Variants in DCDC2C observed in about 807,000 individuals in gnomAD.
The protein encoded by DCDC2C is doublecortin domain-containing protein 2C.
In DCDC2C, 44 loss-of-function variants were observed where a neutral mutation model predicts 45.0. That is an observed-to-expected ratio of 0.98 (90% CI 0.77 to 1.26). The LOEUF is 1.26. Among genes scored for constraint, DCDC2C ranks in the 50% most tolerant of loss-of-function variants. The pLI is 0.00. For synonymous variants in DCDC2C, 187 were observed against 178.8 expected, an observed-to-expected ratio of 1.05 and a Z score of -0.37; for missense variants, 447 against 468.9, an observed-to-expected ratio of 0.95 and a Z score of 0.43.
At chr2:3,836,780 T>A (rs550481596) in intron 10 of DCDC2C, among the ~76,000 whole-genome samples, 9 of 149,592 alleles carry the variant, frequency 6.0e-5, no homozygotes, top group South Asian at 2.1e-4. Flanking sequence ...GAGAATGACG[T>A]GAACCCGGGA....
At chr2:3,758,676 G>T (rs1418580290) in intron 6 of DCDC2C, among the ~76,000 whole-genome samples, 1 of 152,144 alleles carries the variant, frequency 6.6e-6, no homozygotes, top group African/African-American at 2.4e-5. Context: ...GGCAACAAGG[G>T]TTTATGATTT....
At chr2:3,773,337 T>G (rs1443344536) in intron 8 of DCDC2C, among the ~76,000 whole-genome samples, 1 of 152,204 alleles carries the variant, frequency 6.6e-6, no homozygotes, top group African/African-American at 2.4e-5. Flanking sequence ...TTTTTAATTT[T>G]TGGTTATAAT....
At chr2:3,773,422 G>C (rs6752305) in intron 8 of DCDC2C, among the ~76,000 whole-genome samples, 1 of 152,128 alleles carries the variant, frequency 6.6e-6, no homozygotes, top group Non-Finnish European at 1.5e-5. Context: ...GTAGATGCGC[G>C]GGGGTGCATG....
At chr2:3,819,489 T>C (rs1017581556) in intron 10 of DCDC2C, among the ~76,000 whole-genome samples, 10 of 152,298 alleles carry the variant, frequency 6.6e-5, no homozygotes, top group African/African-American at 1.9e-4. Context: ...ATTGCAACTC[T>C]TCTCTATTAT....
intron 10 of DCDC2C, among the ~76,000 whole-genome samples, chr2:3,789,663 C>A (rs1367372791): frequency 1.3e-5 from 2 of 152,220 alleles, no homozygotes; most frequent in African/African-American, 2.4e-5. Flanking sequence ...ACTAAATGCT[C>A]CCTTTATGTG....
rs1311185608 is a variant in DCDC2C, at chr2:3,734,674, G to A, written c.417-7246G>A. ...CAAATGAGACAGGCAGCCTGGACAA[G>A]ACTGGTGGTTGCAGCCCTGGCTCAC... is the stretch of plus-strand genomic sequence containing the variant. On this transcript the variant is annotated intron_variant, in intron 3 of 10. Coordinates refer to ENST00000399143, the MANE Select transcript of DCDC2C (RefSeq NM_001287444.2). The surrounding 1 kb of genome is among the most constrained non-coding windows in gnomAD (Gnocchi z 4.2). 2.0e-5 allele frequency among the ~76,000 whole-genome samples: 3 copies of A among 152,208 alleles called. No homozygotes were observed. The highest frequency in any genetic ancestry group is 7.2e-5 in the African/African-American group (3 of 41,450).
chr2:3,806,965 G>A (rs573801860), intron 10 of DCDC2C, among the ~76,000 whole-genome samples: 131 of 152,260 alleles, frequency 8.6e-4, no homozygotes, highest in Non-Finnish European at 1.4e-3. Context: ...CCTGGACTGC[G>A]TTCTGAAGAT....
chr2:3,791,405 C>T (rs1022222562), intron 10 of DCDC2C, among the ~76,000 whole-genome samples: 1 of 152,128 alleles, frequency 6.6e-6, no homozygotes, highest in Non-Finnish European at 1.5e-5. Context: ...ATCGCCTTTT[C>T]GTGTGGTGGG....
chr2:3,819,559 A>C (rs1671637720), intron 10 of DCDC2C, among the ~76,000 whole-genome samples: 1 of 152,186 alleles, frequency 6.6e-6, no homozygotes, highest in African/African-American at 2.4e-5. Flanking sequence ...GCCGGAATCT[A>C]ATTTTTGGAG....
At chr2:3,845,187 A>G (rs1672299112) in intron 10 of DCDC2C, among the ~76,000 whole-genome samples, 1 of 152,146 alleles carries the variant, frequency 6.6e-6, no homozygotes, top group Non-Finnish European at 1.5e-5. Flanking sequence ...AATAATAACG[A>G]ACTCACAGGC....
At chr2:3,754,550 G>C in intron 5 of DCDC2C, 42 bp from the exon 6 acceptor site, 1 of 1,544,176 alleles carries the variant, frequency 6.5e-7, no homozygotes, top group Non-Finnish European at 8.7e-7. Flanking sequence ...ATAACTTAGG[G>C]CCGGGCTTTA....
In DCDC2C at chr2:3,767,766, G is replaced by T; in HGVS notation, c.739G>T (p.Gly247Ter). The T allele has an allele frequency of 6.4e-7, 1 of 1,550,582 alleles. No individual in the cohort carries two copies. The highest frequency in any genetic ancestry group is 8.7e-7 in the Non-Finnish European group (1 of 1,146,944). ...ATTTGTCCTGTAGGTGGACTCCAAA[G>T]GAAAAGAACCTTGTAAATATGATGG... ...SQRKKKVDSK[G>*]KEPCKYDGIP... Residue 247 changes from glycine to a stop codon, truncating the protein, a stop_gained, in exon 7 of 11, where the codon GGA becomes TGA. Transcript: ENST00000399143. LOFTEE classifies it high-confidence loss of function.
At chr2:3,745,905 G>T (rs1572580172) in intron 4 of DCDC2C, among the ~76,000 whole-genome samples, 2 of 151,624 alleles carry the variant, frequency 1.3e-5, no homozygotes, top group South Asian at 4.2e-4. Context: ...TAGAGATGAG[G>T]TCTTGCCATG....
intron 3 of DCDC2C, among the ~76,000 whole-genome samples, chr2:3,730,107 C>T (rs974442984): frequency 8.5e-5 from 13 of 152,252 alleles, no homozygotes; most frequent in South Asian, 2.1e-4. Context: ...AACCCTCCCA[C>T]GAGGGTGGTA....
intron 10 of DCDC2C, among the ~76,000 whole-genome samples, chr2:3,837,538 G>A (rs1057365094): frequency 6.6e-6 from 1 of 152,122 alleles, no homozygotes; most frequent in African/African-American, 2.4e-5. Context: ...GGGGTGGGGG[G>A]CCCATGGTGA....
At chr2:3,826,193 T>G (rs919344619) in intron 10 of DCDC2C, among the ~76,000 whole-genome samples, 3 of 152,110 alleles carry the variant, frequency 2.0e-5, no homozygotes, top group African/African-American at 7.2e-5. Context: ...CAGAGAACAC[T>G]CAGTAGGGAA....
intron 10 of DCDC2C, among the ~76,000 whole-genome samples, chr2:3,799,952 C>T (rs1259599752): frequency 1.3e-5 from 2 of 151,708 alleles, no homozygotes; most frequent in South Asian, 2.1e-4. Flanking sequence ...CAATGGCGGG[C>T]GCCCCTCCCC....
intron 10 of DCDC2C, among the ~76,000 whole-genome samples, chr2:3,789,249 G>A (rs963952393): frequency 6.6e-6 from 1 of 152,138 alleles, no homozygotes; most frequent in Non-Finnish European, 1.5e-5. Flanking sequence ...AAACTGCCAA[G>A]CACCACACAA....
At chr2:3,722,769 A>G (rs1203974655) in intron 2 of DCDC2C, among the ~76,000 whole-genome samples, 6 of 152,238 alleles carry the variant, frequency 3.9e-5, no homozygotes, top group Non-Finnish European at 8.8e-5. Flanking sequence ...TAGGCAGGTG[A>G]TAGCAGGGTT....
Sources: gnomAD v4.1 joint callset for allele counts (sites outside exome capture counted in the v4.1 genomes callset) on GRCh38, gnomAD v4.1.1 for gene constraint, Gnocchi (gnomAD v3.1) non-coding constraint, MANE v1.5 for transcripts, NCBI Gene and HGNC (gene_info 2026-07-23, HGNC 2026-07-21) for gene names.